Variants in NELL2 observed in about 807,000 individuals in gnomAD.
The protein encoded by NELL2 is neural EGFL like 2, also known as protein kinase C-binding protein NELL2.
In NELL2, 41 loss-of-function variants were observed where a neutral mutation model predicts 109.6. The ratio of observed to expected loss-of-function variants is 0.37; its 90% CI spans 0.29 to 0.49. The LOEUF (loss-of-function observed/expected upper bound fraction) is 0.49, where lower values mean the gene tolerates loss of function less well. Ranked by LOEUF, NELL2 falls within the 20% of genes least tolerant of loss-of-function variation. NELL2 has a pLI of 0.98. For synonymous variants in NELL2, 355 were observed against 344.7 expected, an observed-to-expected ratio of 1.03 and a Z score of -0.33; for missense variants, 900 against 1,008.3, an observed-to-expected ratio of 0.89 and a Z score of 1.45.
chr12:44,751,455 T>C (rs1023501505), intron 9 of NELL2, among the ~76,000 whole-genome samples: 2 of 152,182 alleles, frequency 1.3e-5, no homozygotes, highest in African/African-American at 4.8e-5. Context: ...AAAATATTCA[T>C]CAAAATCTAG....
At position 44,876,292 on chromosome 12, in the gene NELL2, A is replaced by T. The variant is rs1049150167; in HGVS notation, c.-423T>A. 13 of 1,150,562 alleles carry T rather than the reference A, an allele frequency of 1.1e-5. No homozygotes were observed. In the African/African-American group the frequency reaches 2.1e-4, roughly 18 times the overall value. 71.3% of individuals were successfully genotyped at this position (1,150,562 alleles called of 1,614,324 possible). On this transcript the variant is annotated 5_prime_UTR_variant, in exon 1 of 20. Transcript: ENST00000429094. The stretch of plus-strand genomic sequence containing the variant: ...CCCCCCCGTCTTCCCCGCCGCCCGA[A>T]CCTGTTGTAAAGGCAGAGACAATGG...
At chr12:44,608,332 G>A (rs1945480889) in intron 14 of NELL2, among the ~76,000 whole-genome samples, 1 of 152,036 alleles carries the variant, frequency 6.6e-6, no homozygotes, top group Admixed American at 6.6e-5. Context: ...GACTCAAAGA[G>A]TCCATTTGGC....
intron 7 of NELL2, among the ~76,000 whole-genome samples, chr12:44,776,589 C>G (rs1463750219): frequency 1.3e-5 from 2 of 152,100 alleles, no homozygotes; most frequent in African/African-American, 4.8e-5. Flanking sequence ...AATTACAAGT[C>G]TAGTGAAATT....
At chr12:44,714,138 C>T (rs944767942) in intron 10 of NELL2, among the ~76,000 whole-genome samples, 3 of 151,870 alleles carry the variant, frequency 2.0e-5, no homozygotes, top group Admixed American at 6.6e-5. Flanking sequence ...ATCACATTTG[C>T]TTCAGAAACC....
At chr12:44,704,559 C>G (rs1451996285) in intron 11 of NELL2, among the ~76,000 whole-genome samples, 1 of 152,122 alleles carries the variant, frequency 6.6e-6, no homozygotes, top group Non-Finnish European at 1.5e-5. Flanking sequence ...GCCTGAACCC[C>G]TTGTTCAAAG....
At chr12:44,619,747 T>A (rs192426212) in intron 13 of NELL2, among the ~76,000 whole-genome samples, 1 of 152,106 alleles carries the variant, frequency 6.6e-6, no homozygotes, top group African/African-American at 2.4e-5. Flanking sequence ...AACGTATACA[T>A]GCAGCATAAG....
chr12:44,546,861 G>A (rs1036112020), intron 15 of NELL2, among the ~76,000 whole-genome samples: 1 of 151,964 alleles, frequency 6.6e-6, no homozygotes, highest in Non-Finnish European at 1.5e-5. Context: ...AAAACCTTTG[G>A]CTTGCATTTT....
At chr12:44,786,321 A>G (rs562940635) in intron 3 of NELL2, among the ~76,000 whole-genome samples, 63 of 152,210 alleles carry the variant, frequency 4.1e-4, no homozygotes, top group Non-Finnish European at 6.8e-4. Flanking sequence ...GAAAACCACA[A>G]TGAGAAACCA....
intron 3 of NELL2, among the ~76,000 whole-genome samples, chr12:44,813,845 T>C (rs1476680242): frequency 6.6e-6 from 1 of 152,262 alleles, no homozygotes; most frequent in Non-Finnish European, 1.5e-5. Context: ...GCCCTGCCTA[T>C]AACTTTAATA....
chr12:44,587,307 A>ATT (rs67322195), intron 15 of NELL2, among the ~76,000 whole-genome samples: 3,818 of 96,518 alleles, frequency 0.04, 222 homozygotes, highest in Non-Finnish European at 0.06. Flanking sequence ...ATATATATAT[A>ATT]TTTTTTTTTA....
chr12:44,621,027 C>T (rs1043471428), intron 13 of NELL2, among the ~76,000 whole-genome samples: 1 of 152,174 alleles, frequency 6.6e-6, no homozygotes, highest in Non-Finnish European at 1.5e-5. Flanking sequence ...CTCATTAAAG[C>T]TTTCATCATG....
chr12:44,745,833 G>A (rs1424103448), intron 9 of NELL2, among the ~76,000 whole-genome samples: 11 of 152,082 alleles, frequency 7.2e-5, no homozygotes, highest in African/African-American at 1.4e-4. Flanking sequence ...CCATCCTCAC[G>A]GGTAGGAAGA....
chr12:44,753,785 C>G (rs931450805), intron 9 of NELL2, among the ~76,000 whole-genome samples: 16 of 152,146 alleles, frequency 1.1e-4, no homozygotes, highest in Admixed American at 7.2e-4. Context: ...GGCTTGCAGC[C>G]AGTTTTCTAT....
At chr12:44,900,848 G>T (rs1472111181) in intron 1 of NELL2, among the ~76,000 whole-genome samples, 1 of 152,116 alleles carries the variant, frequency 6.6e-6, no homozygotes, top group Non-Finnish European at 1.5e-5. Context: ...AATTGGCTGG[G>T]TGTGATGGCA....
At chr12:44,729,235 G>A (rs112846403) in intron 9 of NELL2, among the ~76,000 whole-genome samples, 3 of 151,828 alleles carry the variant, frequency 2.0e-5, no homozygotes, top group African/African-American at 7.3e-5. Context: ...TAGTGTAGGG[G>A]GAGGGGAGTA....
intron 9 of NELL2, 69 bp downstream of exon 9, chr12:44,774,678 G>T: frequency 8.1e-7 from 1 of 1,238,792 alleles, no homozygotes; most frequent in Non-Finnish European, 1.2e-6. Flanking sequence ...AACCAATGAT[G>T]GGTGAATACT....
chr12:44,518,682 T>G (rs549131253), intron 19 of NELL2, among the ~76,000 whole-genome samples: 1 of 152,344 alleles, frequency 6.6e-6, no homozygotes, highest in Admixed American at 6.5e-5. Context: ...TTGTCACTAT[T>G]GCTCAGAAGA....
At chr12:44,695,980 C>T (rs1009558713) in intron 12 of NELL2, among the ~76,000 whole-genome samples, 2 of 152,036 alleles carry the variant, frequency 1.3e-5, no homozygotes, top group African/African-American at 4.8e-5. Flanking sequence ...TGAGACCCTG[C>T]CTCAAAAACA....
chr12:44,551,587 C>A (rs1002240560), intron 15 of NELL2, among the ~76,000 whole-genome samples: 2 of 152,114 alleles, frequency 1.3e-5, no homozygotes, highest in Non-Finnish European at 2.9e-5. Flanking sequence ...GTGCCTTCTC[C>A]CCCTTCTTCA....
Sources: allele counts gnomAD v4.1 joint callset (sites outside exome capture counted in the v4.1 genomes callset), GRCh38; gene constraint gnomAD v4.1.1; transcripts MANE v1.5; gene names NCBI Gene and HGNC (gene_info 2026-07-23, HGNC 2026-07-21).